The following ACOXL variants were observed in gnomAD, a reference collection of about 807,000 sequenced individuals.
The protein encoded by ACOXL is acyl-coenzyme A oxidase-like protein.
In ACOXL, 70 loss-of-function variants were observed where a neutral mutation model predicts 71.9. The ratio of observed to expected loss-of-function variants is 0.97; its 90% CI spans 0.80 to 1.19. ACOXL has a LOEUF of 1.19. Among genes scored for constraint, ACOXL ranks in the 50% most tolerant of loss-of-function variants. ACOXL has a pLI of 0.00. For missense variants in ACOXL, 703 were observed against 736.3 expected (o/e 0.95, Z 0.52); for synonymous variants, 253 against 281.6 (o/e 0.90, Z 1.02).
chr2:111,037,201 C>A (rs918127576), intron 15 of ACOXL, among the ~76,000 whole-genome samples: 2 of 152,162 alleles, frequency 1.3e-5, no homozygotes, highest in Admixed American at 1.3e-4. Flanking sequence ...AGTTGAACTT[C>A]AGGTTTGGGT....
intron 11 of ACOXL, among the ~76,000 whole-genome samples, chr2:110,917,181 C>T (rs1038184705): frequency 2.6e-5 from 4 of 152,168 alleles, no homozygotes; most frequent in African/African-American, 9.7e-5. Flanking sequence ...AAACCGAATC[C>T]AGCAGCACAT....
chr2:110,859,163 G>C (rs1693633977), intron 10 of ACOXL, among the ~76,000 whole-genome samples: 1 of 152,210 alleles, frequency 6.6e-6, no homozygotes, highest in Non-Finnish European at 1.5e-5. Flanking sequence ...GAAACCTTTT[G>C]CATAACCATA....
intron 11 of ACOXL, among the ~76,000 whole-genome samples, chr2:110,910,019 A>G (rs2059593806): frequency 6.6e-6 from 1 of 152,074 alleles, no homozygotes; most frequent in Non-Finnish European, 1.5e-5. Flanking sequence ...AAATGCATAG[A>G]TTTTAGTTTT....
chr2:110,780,896 A>G (rs918815555), intron 2 of ACOXL, among the ~76,000 whole-genome samples: 5 of 151,940 alleles, frequency 3.3e-5, no homozygotes, highest in African/African-American at 1.2e-4. Flanking sequence ...GCTGGCTGTG[A>G]TGGCAGACCT....
chr2:110,988,062 C>T (rs1404160909), intron 13 of ACOXL, among the ~76,000 whole-genome samples: 3 of 152,242 alleles, frequency 2.0e-5, no homozygotes, highest in East Asian at 3.8e-4. Context: ...GTTCATGGAG[C>T]AGTGGCTACC....
intron 15 of ACOXL, among the ~76,000 whole-genome samples, chr2:111,032,937 C>T (rs1011322268): frequency 1.3e-5 from 2 of 152,206 alleles, no homozygotes; most frequent in Admixed American, 1.3e-4. Flanking sequence ...TCAGACTGAG[C>T]CCAGCTTCTT....
At chr2:110,840,246 AC>A (rs1690993797) in intron 9 of ACOXL, among the ~76,000 whole-genome samples, 1 of 152,180 alleles carries the variant, frequency 6.6e-6, no homozygotes, top group African/African-American at 2.4e-5. Flanking sequence ...AGTGAAACTT[AC>A]ATAGGCATGT....
intron 10 of ACOXL, among the ~76,000 whole-genome samples, chr2:110,867,643 C>A (rs1356056867): frequency 1.3e-5 from 2 of 152,064 alleles, no homozygotes; most frequent in Non-Finnish European, 2.9e-5. Context: ...GACTGGAGGG[C>A]CAATAAGGAC....
intron 10 of ACOXL, among the ~76,000 whole-genome samples, chr2:110,886,571 G>A (rs973035292): frequency 1.4e-4 from 22 of 151,866 alleles, no homozygotes; most frequent in Non-Finnish European, 3.1e-4. Flanking sequence ...TAGAGATGGG[G>A]TTTCACCATG....
At chr2:110,849,050 C>T (rs902354297) in intron 10 of ACOXL, among the ~76,000 whole-genome samples, 2 of 152,220 alleles carry the variant, frequency 1.3e-5, no homozygotes, top group East Asian at 1.9e-4. Flanking sequence ...CTCCAACAGC[C>T]CCCCTTTATC....
chr2:110,758,831 C>G (rs563010895), intron 1 of ACOXL, among the ~76,000 whole-genome samples: 8 of 152,294 alleles, frequency 5.3e-5, no homozygotes, highest in African/African-American at 1.9e-4. Context: ...AAAGTTCCCT[C>G]TTAACACTGC....
chr2:110,960,157 C>T (rs2061647834), intron 12 of ACOXL, among the ~76,000 whole-genome samples: 2 of 152,096 alleles, frequency 1.3e-5, no homozygotes, highest in Admixed American at 1.3e-4. Flanking sequence ...GGGAGTGTTC[C>T]AGGCAGTGGG....
intron 16 of ACOXL, among the ~76,000 whole-genome samples, chr2:111,090,431 G>A (rs1403419201): frequency 6.6e-6 from 1 of 152,158 alleles, no homozygotes; most frequent in Non-Finnish European, 1.5e-5. Flanking sequence ...TAGCTGTGGT[G>A]TTCTGGTAGC....
At chr2:110,886,991 T>C in intron 10 of ACOXL, 1 of 1,033,976 alleles carries the variant, frequency 9.7e-7, no homozygotes, top group South Asian at 1.6e-5. Context: ...TCTGAGAATG[T>C]TGTGTGGCAA....
chr2:110,984,998 A>T (rs978903400), intron 12 of ACOXL, among the ~76,000 whole-genome samples: 1 of 152,250 alleles, frequency 6.6e-6, no homozygotes, highest in Non-Finnish European at 1.5e-5. Flanking sequence ...ATAGAGTAAG[A>T]GAAAGCTGTG....
intron 7 of ACOXL, among the ~76,000 whole-genome samples, chr2:110,800,301 T>C (rs1406892073): frequency 6.6e-6 from 1 of 152,204 alleles, no homozygotes; most frequent in African/African-American, 2.4e-5. Flanking sequence ...TAGGACTGTG[T>C]CTTTGGCCTG....
intron 15 of ACOXL, among the ~76,000 whole-genome samples, chr2:111,033,878 T>C (rs780400019): frequency 1.3e-5 from 2 of 152,210 alleles, no homozygotes; most frequent in Non-Finnish European, 2.9e-5. Flanking sequence ...GAGGATGGAC[T>C]ATATGGACTC....
chr2:111,050,322 A>G (rs1298617545), intron 16 of ACOXL, among the ~76,000 whole-genome samples: 1 of 151,934 alleles, frequency 6.6e-6, no homozygotes, highest in Non-Finnish European at 1.5e-5. Flanking sequence ...GCTCATACCA[A>G]GTGTTGGGTT....
chr2:110,930,037 G>A lies in ACOXL; in HGVS notation c.906-3452G>A, dbSNP rs145957416. 8.5e-5 allele frequency among the ~76,000 whole-genome samples: 13 copies of A among 152,310 alleles called. No homozygotes were observed. The East Asian group carries it at 1.7e-3, about 20-fold the overall frequency. On this transcript the variant is annotated intron_variant, in intron 11 of 17. Transcript: ENST00000439055. ...GAAGCCCCTACACAGAGTCCCCATC[G>A]GGGTACTGCCTAGTAGAGCTGTGTC... is the stretch of plus-strand genomic sequence containing the variant.
Sources: allele counts gnomAD v4.1 joint callset (sites outside exome capture counted in the v4.1 genomes callset), GRCh38; gene constraint gnomAD v4.1.1; transcripts MANE v1.5; gene names NCBI Gene and HGNC (gene_info 2026-07-23, HGNC 2026-07-21).